The following LCTL variants were observed in gnomAD, a reference collection of about 807,000 sequenced individuals.
The protein encoded by LCTL is lactase-like protein.
In LCTL, 76 loss-of-function variants were observed where a neutral mutation model predicts 75.8. That is an observed-to-expected ratio of 1.00 (90% CI 0.83 to 1.21). The LOEUF is 1.21. Among genes scored for constraint, LCTL ranks in the 50% most tolerant of loss-of-function variants. The pLI is 0.00. For synonymous variants in LCTL, 271 were observed against 268.8 expected, an observed-to-expected ratio of 1.01 and a Z score of -0.08; for missense variants, 670 against 712.4, an observed-to-expected ratio of 0.94 and a Z score of 0.68.
chr15:66,548,830 A>G (rs1342147730), intron 12 of LCTL: 1 of 315,626 alleles, frequency 3.2e-6, no homozygotes, highest in Non-Finnish European at 5.9e-6. Flanking sequence ...AAATGCCTGA[A>G]TTTGGTTCTT....
At position 66,551,908 on chromosome 15, in the gene LCTL, A is replaced by C. The variant is rs374329834; in HGVS notation, c.1325-47T>G. On this transcript the variant is annotated intron_variant, in intron 10 of 12. Transcript: ENST00000341509. ...TTTTAAATATATTTCATTTACTTAG[A>C]AAAATAAAACTGAAGATAATGTTAA... 7.1e-6 allele frequency: 11 copies of C among 1,544,826 alleles called. 1 individual carries two copies. In the South Asian group the frequency reaches 1.2e-4, roughly 17 times the overall value.
chr15:66,558,687 GTTTTT>G (rs11354993), intron 6 of LCTL, among the ~76,000 whole-genome samples: 1 of 97,560 alleles, frequency 1.0e-5, no homozygotes, highest in Non-Finnish European at 2.0e-5. Context: ...GTGTGTGTGT[GTTTTT>G]TTTTTTTTTT....
chr15:66,564,154 C>A, intron 2 of LCTL, 156 bp from the exon 4 acceptor site: 1 of 621,932 alleles, frequency 1.6e-6, no homozygotes, highest in East Asian at 2.7e-5. Flanking sequence ...GTGATGCCAC[C>A]TGCCCACTTC....
intron 12 of LCTL, chr15:66,549,484 A>G (rs1049200873): frequency 6.6e-6 from 1 of 152,206 alleles, no homozygotes; most frequent in African/African-American, 2.4e-5. Context: ...CAAAGAAACA[A>G]ATAATATGTG....
rs146381219 is a variant in LCTL, at chr15:66,563,956, G to A, written c.325C>T (p.Arg109Ter). The change falls in exon 3 of 13, where the codon CGA becomes TGA. Residue 109 changes from arginine (R) to a stop codon, truncating the protein, a stop_gained. Coordinates refer to ENST00000341509, the Ensembl canonical transcript of LCTL. LOFTEE classifies it high-confidence loss of function. The stretch of plus-strand genomic sequence containing the variant: ...AGCCGGGGCCAAGACAGGGAGAATC[G>A]GTAGTGGTTGACGTGCAGTTCCCTC... 8.7e-6 allele frequency: 14 copies of A among 1,613,990 alleles called. No homozygotes were observed. Among genetic ancestry groups the A allele is most frequent in the Middle Eastern group, 1.6e-4 (1 of 6,084 alleles).
At chr15:66,554,288 C>CA (rs547806774) in intron 8 of LCTL, among the ~76,000 whole-genome samples, 4,336 of 42,790 alleles carry the variant, frequency 0.1, 431 homozygotes, top group African/African-American at 0.28. Flanking sequence ...AAGACTGTCT[C>CA]AAAAAAAAAA....
rs973019751 is a variant in LCTL, at chr15:66,563,811, A to G, written c.370+100T>C. 7 of 997,744 alleles carry G rather than the reference A, an allele frequency of 7.0e-6. No homozygotes were observed. The East Asian group carries it at 9.6e-5, about 14-fold the overall frequency. 61.8% of individuals were successfully genotyped at this position (997,744 alleles called of 1,614,324 possible). A position where few individuals can be genotyped will look rare whatever the true frequency, so the allele number is the denominator to read the frequency against. On this transcript the variant is annotated intron_variant, in intron 3 of 12. Coordinates refer to ENST00000341509, the Ensembl canonical transcript of LCTL. Reference sequence around the variant, plus strand: ...GCTGCTACCGTCAGCAACTACGTTCATGGGCTGATCTCCCTCCCCAGGACT... The same window carrying G: ...GCTGCTACCGTCAGCAACTACGTTCGTGGGCTGATCTCCCTCCCCAGGACT...
In LCTL at chr15:66,553,661, A is replaced by C. The variant is rs186270575; in HGVS notation, c.923-403T>G. Among the ~76,000 whole-genome samples, 1,095 of 151,618 alleles carry C rather than the reference A, an allele frequency of 7.2e-3. 12 individuals are homozygous for C. Among genetic ancestry groups the C allele is most frequent in the African/African-American group, 0.025 (1,036 of 41,338 alleles). On this transcript the variant is annotated intron_variant, in intron 8 of 12. Transcript: ENST00000341509. ...TCCCAGCTACTTGGGAGGCTGAGGC[A>C]GGAGAATGGCGTGAATCCAGGAGGT...
intron 3 of LCTL, 31 bp from the exon 5 acceptor site, chr15:66,563,656 GA>G: frequency 6.6e-7 from 1 of 1,517,044 alleles, no homozygotes; most frequent in Non-Finnish European, 9.1e-7. Flanking sequence ...GATGCTACCA[GA>G]AAGGACCTCG....
At chr15:66,560,339 T>C (rs1047144121) in intron 6 of LCTL, among the ~76,000 whole-genome samples, 1 of 152,124 alleles carries the variant, frequency 6.6e-6, no homozygotes, top group African/African-American at 2.4e-5. Flanking sequence ...ACATGTCCTG[T>C]AATGTGACCC....
At chr15:66,563,923 T>A (rs1241385986) in exon 3 of LCTL, 1 of 1,613,974 alleles carries the variant, frequency 6.2e-7, no homozygotes, top group Non-Finnish European at 8.5e-7. Flanking sequence ...CGGATGCCTG[T>A]GGGCAGGAGC....
At chr15:66,564,338 A>G (rs1895967925) in intron 2 of LCTL, 1 of 472,516 alleles carries the variant, frequency 2.1e-6, no homozygotes. Context: ...TGCAACTGAC[A>G]AGCAGGGACC....
At chr15:66,552,528 A>T (rs181413526) in intron 9 of LCTL, among the ~76,000 whole-genome samples, 1 of 152,140 alleles carries the variant, frequency 6.6e-6, no homozygotes, top group East Asian at 1.9e-4. Flanking sequence ...AAAATTAGCC[A>T]GGCGTGGTGG....
chr15:66,549,788 T>G (rs1330508801), intron 12 of LCTL: 9 of 308,616 alleles, frequency 2.9e-5, no homozygotes, highest in Non-Finnish European at 5.3e-5. Context: ...GTATATAAAT[T>G]TATAGGTATG....
At position 66,564,792 on chromosome 15, in the gene LCTL, A is replaced by T. The variant is rs893291558; in HGVS notation, c.166T>A (p.Trp56Arg). Residue 56 changes from tryptophan (W) to arginine (R), a missense_variant, in exon 2 of 13, where the codon TGG (tryptophan) becomes AGG (arginine). Trp to Arg is a moderately radical substitution (Grantham distance 101, BLOSUM62 -3). Transcript: ENST00000341509. ...CTAGGCCCTTTCCCGTCCTGGTCCC[A>T]GGCGCCCTCCGTCTGGTAGGCAGAA... The T allele has an allele frequency of 6.2e-7, 1 of 1,613,374 alleles. No homozygotes were observed. The highest frequency in any genetic ancestry group is 1.3e-5 in the African/African-American group (1 of 74,890).
exon 4 of LCTL, chr15:66,563,576 A>G (rs1895948040): frequency 1.2e-6 from 2 of 1,612,602 alleles, no homozygotes; most frequent in Non-Finnish European, 1.7e-6. Context: ...TCAGAAGGGC[A>G]TCGATAAGAT....
chr15:66,551,201 G>T (rs555823243), intron 11 of LCTL, among the ~76,000 whole-genome samples: 179 of 151,738 alleles, frequency 1.2e-3, no homozygotes, highest in Non-Finnish European at 5.6e-4. Flanking sequence ...ACAAAAATTA[G>T]CTGGGCGTGG....
chr15:66,553,946 A>T (rs915886690), intron 8 of LCTL, among the ~76,000 whole-genome samples: 1 of 151,148 alleles, frequency 6.6e-6, no homozygotes, highest in African/African-American at 2.4e-5. Context: ...ACTTGAGATC[A>T]GGAGTTCGCG....
At chr15:66,547,567 G>A (rs1214727946) in exon 13 of LCTL, 3 of 151,972 alleles carry the variant, frequency 2.0e-5, no homozygotes, top group Non-Finnish European at 2.9e-5. Context: ...TAAAAAAGAC[G>A]ATATTGAGTT....
Sources: allele counts gnomAD v4.1 joint callset (sites outside exome capture counted in the v4.1 genomes callset), GRCh38; gene constraint gnomAD v4.1.1; transcripts MANE v1.5; gene names NCBI Gene and HGNC (gene_info 2026-07-23, HGNC 2026-07-21).